The following DPP6 variants were observed in gnomAD, a reference collection of about 807,000 sequenced individuals.
DPP6 encodes the protein dipeptidyl peptidase like 6.
A neutral mutation model predicts 122.6 loss-of-function variants in DPP6; 69 were observed. The observed-to-expected ratio is 0.56, with a 90% confidence interval of 0.46 to 0.69. The LOEUF (loss-of-function observed/expected upper bound fraction) is 0.69. Among genes scored for constraint, DPP6 ranks in the 30% least tolerant of loss-of-function variants. The pLI is 0.00. For synonymous variants in DPP6, 418 were observed against 433.1 expected (o/e 0.97, Z 0.43); for missense variants, 928 against 1,116.9 (o/e 0.83, Z 2.41).
chr7:153,974,433 G>C (rs1184267687), intron 1 of DPP6, among the ~76,000 whole-genome samples: 1 of 152,118 alleles, frequency 6.6e-6, no homozygotes, highest in African/African-American at 2.4e-5. Flanking sequence ...AAAAAAGAAG[G>C]GTTTGGGTTA....
chr7:154,727,800 G>A lies in DPP6; in HGVS notation c.796G>A (p.Ala266Thr). The A allele has an allele frequency of 6.2e-7, 1 of 1,613,774 alleles. No individual in the cohort carries two copies. The highest frequency in any genetic ancestry group is 8.5e-7 in the Non-Finnish European group (1 of 1,179,828). Reference protein sequence around the residue: ...FIFENNIYYCAHVGKQAIRVV... With the variant: ...FIFENNIYYCTHVGKQAIRVV... ...TTTTGAAAACAATATCTACTACTGT[G>A]CACATGTCGGGAAACAGGCCATCCG... is the stretch of plus-strand genomic sequence containing the variant. The change falls in exon 8 of 26, where the codon GCA (alanine) becomes ACA (threonine). Residue 266 changes from alanine to threonine, a missense_variant. Ala to Thr is a moderately conservative substitution (Grantham distance 58). Transcript: ENST00000377770.
chr7:153,770,279 T>C, the DPP6 span, among the ~76,000 whole-genome samples: 4 of 152,282 alleles, frequency 2.6e-5, no homozygotes, highest in African/African-American at 9.6e-5. Flanking sequence ...CAGTAATATA[T>C]TCTAGGCTCA....
intron 3 of DPP6, among the ~76,000 whole-genome samples, chr7:154,514,285 AAAAT>A (rs1826319333): frequency 6.6e-6 from 1 of 152,110 alleles, no homozygotes; most frequent in Non-Finnish European, 1.5e-5. Context: ...CAAAAAGAAA[AAAAT>A]AAATGGGTTA....
chr7:153,924,919 G>T (rs895337360), intron 1 of DPP6, among the ~76,000 whole-genome samples: 3 of 152,168 alleles, frequency 2.0e-5, no homozygotes, highest in Non-Finnish European at 2.9e-5. Context: ...AGCTTGTTGC[G>T]CAGCAGTCAA....
chr7:154,465,681 G>T lies in DPP6; in HGVS notation c.359-9258G>T, dbSNP rs112139082. Among the ~76,000 whole-genome samples, 1,105 of 152,330 alleles carry T rather than the reference G, an allele frequency of 7.3e-3. 12 individuals carry two copies. Among genetic ancestry groups the T allele is most frequent in the African/African-American group, 0.025 (1,044 of 41,572 alleles). On this transcript the variant is annotated intron_variant, in intron 2 of 25. Coordinates refer to ENST00000377770, the MANE Select transcript of DPP6 (RefSeq NM_130797.4). ...GATACTATCTCACTGCAGTTAGAAT[G>T]ATGATTATTAAAAAGTCAGGAAACA... is the stretch of plus-strand genomic sequence containing the variant.
chr7:154,678,072 C>G (rs948611880), intron 7 of DPP6, among the ~76,000 whole-genome samples: 4 of 152,148 alleles, frequency 2.6e-5, no homozygotes, highest in African/African-American at 4.8e-5. Context: ...CTGATCAGCA[C>G]TCTGTAAATA....
intron 2 of DPP6, among the ~76,000 whole-genome samples, chr7:154,469,506 A>G (rs952817162): frequency 1.7e-4 from 26 of 152,164 alleles, no homozygotes; most frequent in African/African-American, 6.3e-4. Flanking sequence ...GCTCTGACCT[A>G]TGGATTCATA....
chr7:153,870,637 TC>T, the DPP6 span, among the ~76,000 whole-genome samples: 1 of 152,218 alleles, frequency 6.6e-6, no homozygotes, highest in Non-Finnish European at 1.5e-5. Flanking sequence ...TCTGAAGCCT[TC>T]TTCTCTCAAC....
At chr7:154,286,835 TCA>T (rs1276422653) in intron 1 of DPP6, among the ~76,000 whole-genome samples, 1 of 150,546 alleles carries the variant, frequency 6.6e-6, no homozygotes, top group Non-Finnish European at 1.5e-5. Context: ...TGAGACAGTC[TCA>T]CTCTGTCACC....
intron 6 of DPP6, among the ~76,000 whole-genome samples, chr7:154,641,547 G>T (rs11983231): frequency 0.017 from 2,598 of 152,014 alleles, 76 homozygotes; most frequent in African/African-American, 0.059. Context: ...AATTAGTTTT[G>T]TCTTTATATT....
intron 1 of DPP6, among the ~76,000 whole-genome samples, chr7:154,392,967 T>G (rs1268417938): frequency 6.6e-6 from 1 of 152,220 alleles, no homozygotes; most frequent in Non-Finnish European, 1.5e-5. Context: ...GAGATCAAAG[T>G]ATTGTCTTCC....
At chr7:154,214,182 G>A (rs1294688423) in intron 1 of DPP6, among the ~76,000 whole-genome samples, 2 of 152,214 alleles carry the variant, frequency 1.3e-5, no homozygotes, top group African/African-American at 4.8e-5. Context: ...TCAGATATGT[G>A]TTTAGGTTCA....
chr7:154,477,065 C>T (rs1457755190), intron 3 of DPP6, among the ~76,000 whole-genome samples: 2 of 151,536 alleles, frequency 1.3e-5, no homozygotes, highest in Admixed American at 6.6e-5. Context: ...GGTGACAGAG[C>T]GAGACCCTGT....
intron 1 of DPP6, among the ~76,000 whole-genome samples, chr7:154,421,537 T>G (rs1315600639): frequency 2.0e-5 from 3 of 152,132 alleles, no homozygotes; most frequent in Non-Finnish European, 4.4e-5. Flanking sequence ...TTGGCCAGGC[T>G]GGTCTTGAAC....
At chr7:154,791,531 T>C (rs1797681534) in intron 10 of DPP6, among the ~76,000 whole-genome samples, 1 of 152,186 alleles carries the variant, frequency 6.6e-6, no homozygotes. Context: ...TTCAATTGTC[T>C]ACACCTGGCC....
intron 1 of DPP6, among the ~76,000 whole-genome samples, chr7:153,899,143 C>T (rs1028648661): frequency 6.6e-6 from 1 of 151,788 alleles, no homozygotes; most frequent in Non-Finnish European, 1.5e-5. Flanking sequence ...CCTTTTTCTC[C>T]TTCTCTTATT....
chr7:154,021,671 C>G (rs1798706302), intron 1 of DPP6, among the ~76,000 whole-genome samples: 1 of 152,174 alleles, frequency 6.6e-6, no homozygotes, highest in South Asian at 2.1e-4. Flanking sequence ...AAGAAGACAT[C>G]TGGGTGTTCC....
At chr7:154,665,094 T>G (rs1586844250) in intron 6 of DPP6, among the ~76,000 whole-genome samples, 1 of 152,356 alleles carries the variant, frequency 6.6e-6, no homozygotes. Context: ...TTCATGACCT[T>G]GCACTTTTGA....
intron 1 of DPP6, among the ~76,000 whole-genome samples, chr7:154,205,070 G>A (rs1011428557): frequency 6.6e-5 from 10 of 151,892 alleles, no homozygotes; most frequent in Non-Finnish European, 1.5e-4. Context: ...ATTAGTCATT[G>A]CTGATATTAT....
Sources: gnomAD v4.1 joint callset for allele counts (sites outside exome capture counted in the v4.1 genomes callset) on GRCh38, gnomAD v4.1.1 for gene constraint, MANE v1.5 for transcripts, NCBI Gene and HGNC (gene_info 2026-07-23, HGNC 2026-07-21) for gene names.